SCRN1: variants seen among roughly 807,000 people sequenced by gnomAD.
SCRN1 encodes the protein secernin 1, also known as secernin-1.
SCRN1 carries 19 observed loss-of-function variants against 43.3 expected under a neutral mutation model. The observed-to-expected ratio is 0.44, with a 90% confidence interval of 0.31 to 0.64. SCRN1 has a LOEUF of 0.64. SCRN1 is among the 30% of genes least tolerant of loss of function. The probability of loss-of-function intolerance (pLI) is 0.09; values close to 1 mark genes in which losing one functional copy is unlikely to be tolerated. For synonymous variants in SCRN1, 183 were observed against 188.9 expected (o/e 0.97, Z 0.26); for missense variants, 447 against 524.1 (o/e 0.85, Z 1.44).
chr7:29,966,144 A>AGAGAGACC lies in SCRN1; in HGVS notation c.159+2757_159+2764dup, dbSNP rs1788482460. ...CACAGAGAGAGAGAGAGACAGAGAG[A>AGAGAGACC]GAGAGACCGAGAGACAGAGAGAGAG... On this transcript the variant is annotated intron_variant, in intron 2 of 7. Transcript: ENST00000242059. 6.5e-5 allele frequency among the ~76,000 whole-genome samples: 9 copies of AGAGAGACC among 138,766 alleles called. No homozygotes were observed. The Admixed American group carries it at 6.9e-4, about 11-fold the overall frequency. 91.0% of individuals were successfully genotyped at this position (138,766 alleles called of 152,430 possible).
chr7:29,939,086 G>C (rs1319983561), intron 5 of SCRN1, among the ~76,000 whole-genome samples: 1 of 151,676 alleles, frequency 6.6e-6, no homozygotes, highest in Non-Finnish European at 1.5e-5. Flanking sequence ...AAAAAATTTT[G>C]ATTTTTTAAA....
chr7:29,922,269 T>C lies in SCRN1; in HGVS notation c.*1688A>G, dbSNP rs1364380445. 2 of 152,142 alleles carry C rather than the reference T, an allele frequency of 1.3e-5. No homozygotes were observed. Among genetic ancestry groups the C allele is most frequent in the East Asian group, 1.9e-4 (1 of 5,192 alleles). 9.4% of individuals were successfully genotyped at this position (152,142 alleles called of 1,614,324 possible). On this transcript the variant is annotated 3_prime_UTR_variant, in exon 8 of 8. Coordinates refer to ENST00000242059, the MANE Select transcript of SCRN1 (RefSeq NM_014766.5). ...ATACAGAGTTTACAAAACTGCTGACTAAAAAGCTCATGGCACTCCTATACT... is the reference window on the plus strand; with the variant it reads ...ATACAGAGTTTACAAAACTGCTGACCAAAAAGCTCATGGCACTCCTATACT...
intron 1 of SCRN1, among the ~76,000 whole-genome samples, chr7:29,974,685 C>CTTTT (rs1183202361): frequency 4.2e-4 from 56 of 134,156 alleles, no homozygotes; most frequent in African/African-American, 7.6e-4. Flanking sequence ...TTCTTTCTTT[C>CTTTT]TTTTTTTTTT....
At chr7:29,970,617 A>G (rs1409364712) in intron 1 of SCRN1, among the ~76,000 whole-genome samples, 5 of 152,358 alleles carry the variant, frequency 3.3e-5, no homozygotes, top group South Asian at 4.1e-4. Context: ...CCTTTTGCAC[A>G]CTGCTGTAAC....
rs148051641 is a variant in SCRN1 at position 29,956,591 on chromosome 7, G to A, written c.160-1231C>T. Among the ~76,000 whole-genome samples, 811 of 152,228 alleles carry A rather than the reference G, an allele frequency of 5.3e-3. 4 individuals are homozygous for A. The highest frequency in any genetic ancestry group is 0.019 in the African/African-American group (769 of 41,530). ...TATTCTGTATTGATTTCCCATAATC[G>A]CTAAACCTCAGGTAAGAGCTGAAAC... On this transcript the variant is annotated intron_variant, in intron 2 of 7. Coordinates refer to ENST00000242059, the MANE Select transcript of SCRN1 (RefSeq NM_014766.5).
At position 29,989,640 on chromosome 7, in the gene SCRN1, A is replaced by C. The variant is rs1031837762; in HGVS notation, c.-2+2T>G. The stretch of plus-strand genomic sequence containing the variant: ...CGCCCTGCGCTCCCAGACGCGGCTC[A>C]CCTGGGGCGGCGGGCTCCGGGCTCC... On this transcript the variant is annotated splice_donor_variant, in intron 1 of 7. Transcript: ENST00000242059. LOFTEE classifies it low-confidence loss of function (5UTR_SPLICE). 5 of 985,408 alleles carry C rather than the reference A, an allele frequency of 5.1e-6. No individual in the cohort carries two copies. The African/African-American group carries it at 8.7e-5, about 17-fold the overall frequency. 61.0% of individuals were successfully genotyped at this position (985,408 alleles called of 1,614,324 possible). A position where few individuals can be genotyped will look rare whatever the true frequency, so the allele number is the denominator to read the frequency against.
chr7:29,986,375 T>C (rs1460825893), intron 1 of SCRN1, among the ~76,000 whole-genome samples: 1 of 152,210 alleles, frequency 6.6e-6, no homozygotes, highest in African/African-American at 2.4e-5. Context: ...TACTTCAATA[T>C]AAAATCAATA....
chr7:29,989,837 G>A, upstream of SCRN1: 2 of 982,202 alleles, frequency 2.0e-6, no homozygotes, highest in Non-Finnish European at 2.4e-6. Context: ...GCAGCAGCTG[G>A]CCCGACTCAC....
chr7:29,930,290 T>C (rs904610173), intron 6 of SCRN1, among the ~76,000 whole-genome samples: 2 of 152,220 alleles, frequency 1.3e-5, no homozygotes, highest in Non-Finnish European at 2.9e-5. Flanking sequence ...AAATTATCTA[T>C]AATTCAGGTT....
upstream of SCRN1, chr7:29,990,257 C>A (rs368886137): frequency 1.0e-5 from 16 of 1,551,500 alleles, no homozygotes; most frequent in African/African-American, 2.1e-4. Flanking sequence ...AAGCCAGACC[C>A]TGTCCCAGGT....
Position 29,989,689 on chromosome 7 carries a change from G to A in SCRN1, c.-49C>T. 1 of 985,778 alleles carries A rather than the reference G, an allele frequency of 1.0e-6. No individual in the cohort carries two copies. Among genetic ancestry groups the A allele is most frequent in the Non-Finnish European group, 1.2e-6 (1 of 830,218 alleles). 61.1% of individuals were successfully genotyped at this position (985,778 alleles called of 1,614,324 possible). A position where few individuals can be genotyped will look rare whatever the true frequency, so the allele number is the denominator to read the frequency against. On this transcript the variant is annotated 5_prime_UTR_variant, in exon 1 of 8. Coordinates refer to ENST00000242059, the MANE Select transcript of SCRN1 (RefSeq NM_014766.5). ...CCGCTCTCCGCTCTGCGGTGCTGAG[G>A]CTGCGGCCGCCGAGGGTGCGGGTGC...
chr7:29,970,055 C>T (rs1338370299), intron 1 of SCRN1: 1 of 347,242 alleles, frequency 2.9e-6, no homozygotes, highest in East Asian at 7.5e-5. Context: ...TGGACCACTA[C>T]AATAACTTCC....
chr7:29,989,609 T>G, intron 1 of SCRN1, 33 bp downstream of exon 1: 1 of 985,502 alleles, frequency 1.0e-6, no homozygotes, highest in Non-Finnish European at 1.2e-6. Flanking sequence ...AAAGCAGCGC[T>G]GCAAACGCCC....
chr7:29,964,957 T>C (rs915020169), intron 2 of SCRN1, among the ~76,000 whole-genome samples: 3 of 151,328 alleles, frequency 2.0e-5, no homozygotes, highest in African/African-American at 7.3e-5. Flanking sequence ...ACAAAATATA[T>C]ATATATATAT....
At chr7:29,943,769 G>A (rs1216465722) in intron 4 of SCRN1, among the ~76,000 whole-genome samples, 1 of 152,196 alleles carries the variant, frequency 6.6e-6, no homozygotes, top group East Asian at 1.9e-4. Flanking sequence ...GAAATGTTAA[G>A]AGACTGCTTC....
intron 1 of SCRN1, among the ~76,000 whole-genome samples, chr7:29,981,538 T>C (rs1024549170): frequency 2.0e-5 from 3 of 152,190 alleles, no homozygotes; most frequent in African/African-American, 4.8e-5. Context: ...ACATAATCAT[T>C]AAGAACAGAA....
At position 29,955,175 on chromosome 7, in the gene SCRN1, G is replaced by A. The variant is rs371881797; in HGVS notation, c.341+4C>T. On this transcript the variant is annotated splice_donor_region_variant and intron_variant, in intron 3 of 7. Transcript: ENST00000242059. ...AGTTGTTTCAAAGAATCACCATGCAGTACCTGACCAGATCCATCCCCAGCA... is the reference window on the plus strand; with the variant it reads ...AGTTGTTTCAAAGAATCACCATGCAATACCTGACCAGATCCATCCCCAGCA... 285 of 1,613,384 alleles carry A rather than the reference G, an allele frequency of 1.8e-4. No individual in the cohort carries two copies. Among genetic ancestry groups the A allele is most frequent in the South Asian group, 1.1e-3 (104 of 90,956 alleles).
intron 2 of SCRN1, 116 bp downstream of exon 2, chr7:29,968,793 A>C: frequency 7.0e-6 from 9 of 1,280,554 alleles, no homozygotes; most frequent in Non-Finnish European, 8.8e-6. Context: ...AATCAGCAGA[A>C]CTGACATGAT....
chr7:29,942,464 T>C (rs949972286), intron 4 of SCRN1, among the ~76,000 whole-genome samples: 2 of 152,218 alleles, frequency 1.3e-5, no homozygotes, highest in Non-Finnish European at 2.9e-5. Flanking sequence ...AACGCAGTCA[T>C]AGATCAAAAA....
Sources: allele counts gnomAD v4.1 joint callset (sites outside exome capture counted in the v4.1 genomes callset), GRCh38; gene constraint gnomAD v4.1.1; transcripts MANE v1.5; gene names NCBI Gene and HGNC (gene_info 2026-07-23, HGNC 2026-07-21).